The following TRPC5 variants were observed in gnomAD, a reference collection of about 807,000 sequenced individuals.
TRPC5 encodes short transient receptor potential channel 5.
In TRPC5, 9 loss-of-function variants were observed where a neutral mutation model predicts 56.5. The observed-to-expected ratio is 0.16, with a 90% CI of 0.10 to 0.28. TRPC5 has a LOEUF of 0.28. Among genes scored for constraint, TRPC5 ranks in the 10% least tolerant of loss-of-function variants. The pLI, the probability that TRPC5 is intolerant of heterozygous loss-of-function variation, is 1.00. For synonymous variants in TRPC5, 282 were observed against 278.5 expected, an observed-to-expected ratio of 1.01 and a Z score of -0.13; for missense variants, 469 against 748.9, an observed-to-expected ratio of 0.63 and a Z score of 4.36.
chrX:111,977,649 A>G (rs1337139935), intron 1 of TRPC5, among the ~76,000 whole-genome samples: 1 of 111,892 alleles, frequency 8.9e-6, no homozygotes, highest in Admixed American at 9.5e-5. Context: ...TCTGCCTGGC[A>G]AAGGAAAAAA....
intron 2 of TRPC5, among the ~76,000 whole-genome samples, chrX:111,942,779 T>C (rs948494308): frequency 1.8e-5 from 2 of 112,246 alleles, no homozygotes; most frequent in Non-Finnish European, 3.8e-5. Context: ...AAGTTTGACT[T>C]TGGAATGGGA....
chrX:111,951,995 T>G, intron 2 of TRPC5, 48 bp downstream of exon 2: 1 of 1,161,059 alleles, frequency 8.6e-7, no homozygotes, highest in Admixed American at 2.5e-5. Flanking sequence ...TCTGACCTGG[T>G]GCCCTGTTGT....
intron 1 of TRPC5, among the ~76,000 whole-genome samples, chrX:112,029,858 G>A (rs1284095821): frequency 1.4e-4 from 15 of 104,467 alleles, no homozygotes; most frequent in African/African-American, 5.4e-4. Context: ...ACAGAGTTTC[G>A]CTCTTGTTAC....
At chrX:111,944,303 T>TGTGTGTGTGAAAGAGAGAGAGA (rs1173179815) in intron 2 of TRPC5, among the ~76,000 whole-genome samples, 2 of 61,392 alleles carry the variant, frequency 3.3e-5, no homozygotes, top group African/African-American at 2.1e-4. Context: ...TGTGTGTGTG[T>TGTGTGTGTGAAAGAGAGAGAGA]GAGAGAGAGA....
chrX:112,033,646 T>C (rs760836591), intron 1 of TRPC5, among the ~76,000 whole-genome samples: 13 of 111,611 alleles, frequency 1.2e-4, no homozygotes, highest in Middle Eastern at 4.6e-3. Flanking sequence ...TTATGTTTTC[T>C]TGTAAGAGTT....
At chrX:111,878,833 C>A (rs1924076437) in intron 3 of TRPC5, among the ~76,000 whole-genome samples, 1 of 111,645 alleles carries the variant, frequency 9.0e-6, no homozygotes, top group Non-Finnish European at 1.9e-5. Flanking sequence ...AACACTATTA[C>A]CCAGTTCACA....
chrX:111,961,681 A>T lies in TRPC5; in HGVS notation c.-21-9240T>A, dbSNP rs773017435. ...TATTTCTGTACATAAAGATCTTCAC[A>T]TATATCCAGGTTATTTGCTCAGTAT... On this transcript the variant is annotated intron_variant, in intron 1 of 10. Coordinates refer to ENST00000262839, the MANE Select transcript of TRPC5 (RefSeq NM_012471.3). Among the ~76,000 whole-genome samples the T allele has an allele frequency of 2.3e-4, 26 of 112,341 alleles. No homozygotes were observed. The South Asian group carries it at 9.6e-3, about 41-fold the overall frequency.
chrX:111,784,902 CAAAG>C (rs1183064869), intron 7 of TRPC5, among the ~76,000 whole-genome samples: 1 of 112,444 alleles, frequency 8.9e-6, no homozygotes, highest in Non-Finnish European at 1.9e-5. Context: ...AGTAGCTAAA[CAAAG>C]CAGCCAGGAA....
At position 112,023,249 on chromosome X, in the gene TRPC5, T is replaced by G. The variant is rs948986028; in HGVS notation, c.-22+58630A>C. 7.5e-4 allele frequency among the ~76,000 whole-genome samples: 62 copies of G among 82,165 alleles called. 1 individual carries two copies. Among genetic ancestry groups the G allele is most frequent in the African/African-American group, 3.2e-3 (60 of 18,531 alleles). 71.4% of individuals were successfully genotyped at this position (82,165 alleles called of 115,157 possible). ...GCGCCCAGCAGTTTTTTTTTTTGTT[T>G]TTTTTTTTTTTTTTTTTTTTTTTTT... On this transcript the variant is annotated intron_variant, in intron 1 of 10. Transcript: ENST00000262839.
Position 111,774,913 on chromosome X carries a change from A to G in TRPC5, c.*1400T>C, listed in dbSNP as rs1461065055. ...CTAGAGTTGTTTCAGGTCATATGTT[A>G]GAGTCTAAACTGAGGAAACCTTTGT... is the stretch of plus-strand genomic sequence containing the variant. On this transcript the variant is annotated 3_prime_UTR_variant, in exon 11 of 11. Transcript: ENST00000262839. 2 of 110,752 alleles carry G rather than the reference A, an allele frequency of 1.8e-5. No homozygotes were observed. Among genetic ancestry groups the G allele is most frequent in the African/African-American group, 6.6e-5 (2 of 30,419 alleles). The allele number at this position is 110,752 out of a possible 1,213,427, so 9.1% of individuals were successfully genotyped here. A position where few individuals can be genotyped will look rare whatever the true frequency, so the allele number is the denominator to read the frequency against.
At chrX:112,042,637 G>A (rs763472698) in intron 1 of TRPC5, among the ~76,000 whole-genome samples, 3 of 110,562 alleles carry the variant, frequency 2.7e-5, no homozygotes, top group African/African-American at 6.6e-5. Context: ...AGCCCTCTTC[G>A]GTTCCCAACA....
chrX:112,039,962 C>T (rs751253622), intron 1 of TRPC5, among the ~76,000 whole-genome samples: 8 of 112,165 alleles, frequency 7.1e-5, no homozygotes, highest in African/African-American at 2.6e-4. Flanking sequence ...CAAGCACAGG[C>T]GAGTTTTTAA....
intron 1 of TRPC5, among the ~76,000 whole-genome samples, chrX:111,967,406 A>T (rs1289034969): frequency 4.5e-5 from 5 of 111,304 alleles, no homozygotes; most frequent in Non-Finnish European, 9.4e-5. Flanking sequence ...CATACTGCCC[A>T]AGGTAATTTA....
At chrX:112,023,003 C>T (rs947482672) in intron 1 of TRPC5, among the ~76,000 whole-genome samples, 1 of 110,325 alleles carries the variant, frequency 9.1e-6, no homozygotes, top group Non-Finnish European at 1.9e-5. Context: ...GGCGCGATCT[C>T]GGCTCACTGC....
intron 2 of TRPC5, among the ~76,000 whole-genome samples, chrX:111,926,758 G>T (rs1207028331): frequency 8.9e-6 from 1 of 112,146 alleles, no homozygotes; most frequent in Admixed American, 9.4e-5. Context: ...TTTGTCTAAG[G>T]TTACACAGCT....
chrX:111,993,047 C>T (rs753480960), intron 1 of TRPC5, among the ~76,000 whole-genome samples: 16 of 107,545 alleles, frequency 1.5e-4, no homozygotes, highest in African/African-American at 5.4e-4. Flanking sequence ...GCTATCCCTC[C>T]CCCAGCCCCC....
intron 1 of TRPC5, among the ~76,000 whole-genome samples, chrX:111,997,030 A>G (rs1442438754): frequency 9.0e-6 from 1 of 111,144 alleles, no homozygotes; most frequent in Non-Finnish European, 1.9e-5. Context: ...TGTGAATTTG[A>G]TCCTGTCATT....
intron 1 of TRPC5, among the ~76,000 whole-genome samples, chrX:111,963,368 T>G (rs7892038): frequency 0.14 from 15,993 of 111,830 alleles, 2,245 homozygotes; most frequent in African/African-American, 0.44. Context: ...AAGGAGGCCT[T>G]CCTGCCTCTG....
rs1158422740 is a variant in TRPC5 at position 111,807,954 on chromosome X, C to CTGTGTG, written c.1897-25817_1897-25816insCACACA. 1.0e-2 allele frequency among the ~76,000 whole-genome samples: 853 copies of CTGTGTG among 85,326 alleles called. 12 individuals are homozygous for CTGTGTG. The highest frequency in any genetic ancestry group is 0.063 in the African/African-American group (822 of 12,955). The allele number at this position is 85,326 out of a possible 115,157, so 74.1% of individuals were successfully genotyped here. ...ACAAATGGAGTCTCTCTCTCTCTCT[C>CTGTGTG]TCTGTGTGTGTGTGTGTGTGTGTGT... is the stretch of plus-strand genomic sequence containing the variant. On this transcript the variant is annotated intron_variant, in intron 7 of 10. Transcript: ENST00000262839.
Sources: gnomAD v4.1 joint callset for allele counts (sites outside exome capture counted in the v4.1 genomes callset) on GRCh38, gnomAD v4.1.1 for gene constraint, MANE v1.5 for transcripts, NCBI Gene and HGNC (gene_info 2026-07-23, HGNC 2026-07-21) for gene names.